LRWD1: variants seen among roughly 807,000 people sequenced by gnomAD.
LRWD1 encodes leucine rich repeats and WD repeat domain containing 1.
Under a neutral mutation model 75.6 loss-of-function variants are expected in LRWD1, and 76 were observed. The observed-to-expected ratio is 1.01, with a 90% CI of 0.84 to 1.22. The LOEUF is 1.22. LRWD1 is among the 50% of genes most tolerant of loss of function. LRWD1 has a pLI of 0.00. For synonymous variants in LRWD1, 487 were observed against 377.0 expected (o/e 1.29, Z -3.38); for missense variants, 917 against 862.0 (o/e 1.06, Z -0.80).
chr7:102,472,660 C>T (rs547050895), intron 13 of LRWD1, 32 bp from the exon 14 acceptor site: 5 of 1,612,398 alleles, frequency 3.1e-6, no homozygotes, highest in African/African-American at 1.3e-5. Flanking sequence ...GGGAGCTCTG[C>T]CCCCACTCAG....
In LRWD1 at chr7:102,468,982, T is replaced by C; in HGVS notation, c.1148T>C (p.Phe383Ser). ...CGGCTGCTGCACGTGCGTGCCGGCT[T>C]CTGCTGCGGGGTCATCCGAGCCCAC... ...LVRLLHVRAG[F>S]CCGVIRAHKK... Residue 383 changes from phenylalanine to serine, a missense_variant, in exon 9 of 15, where the codon TTC becomes TCC. Transcript: ENST00000292616. 1 of 1,612,728 alleles carries C rather than the reference T, an allele frequency of 6.2e-7. No homozygotes were observed. The highest frequency in any genetic ancestry group is 8.5e-7 in the Non-Finnish European group (1 of 1,179,824).
chr7:102,468,439 G>T, intron 7 of LRWD1, 62 bp downstream of exon 7: 1 of 1,542,568 alleles, frequency 6.5e-7, no homozygotes, highest in East Asian at 2.4e-5. Context: ...GGATGGGTGG[G>T]GGATCAGGAG....
chr7:102,468,188 G>C lies in LRWD1; in HGVS notation c.804+1G>C, dbSNP rs765172131. On this transcript the variant is annotated splice_donor_variant, in intron 6 of 14. Transcript: ENST00000292616. LOFTEE classifies it high-confidence loss of function. ...TGTGGCAGGCTCCGATGGCAGCCAG[G>C]TGAGCTGAGGTGGCAAGGAGCAGGT... 6.2e-7 allele frequency: 1 copy of C among 1,605,400 alleles called. No homozygotes were observed. The highest frequency in any genetic ancestry group is 1.7e-5 in the Admixed American group (1 of 58,114).
At position 102,469,040 on chromosome 7, in the gene LRWD1, C is replaced by T. The variant is rs1299676568; in HGVS notation, c.1206C>T (p.Pro402=). ...KKAIATLCFS[P]AHETHLFTAS... Reference sequence around the variant, plus strand: ...CCATCGCCACCCTGTGCTTCAGCCCCGCCCACGAGACCCATCTCTTCAGTA... The same window carrying T: ...CCATCGCCACCCTGTGCTTCAGCCCTGCCCACGAGACCCATCTCTTCAGTA... Residue 402 remains proline, a synonymous_variant, in exon 9 of 15, where the codon CCC becomes CCT. Transcript: ENST00000292616. 4.4e-6 allele frequency: 7 copies of T among 1,609,074 alleles called. No individual in the cohort carries two copies. The highest frequency in any genetic ancestry group is 2.2e-5 in the East Asian group (1 of 44,682).
chr7:102,467,906 T>C (rs4727526), intron 5 of LRWD1, 83 bp downstream of exon 5: 114,133 of 1,499,898 alleles, frequency 0.076, 9,125 homozygotes, highest in East Asian at 0.47. Flanking sequence ...GTCCTGGGCA[T>C]GTGCCCAGGA....
intron 3 of LRWD1, among the ~76,000 whole-genome samples, 170 bp from the exon 4 acceptor site, chr7:102,467,169 G>GTATGTGTGT (rs773521223): frequency 1.0e-4 from 2 of 19,814 alleles, no homozygotes; most frequent in Non-Finnish European, 3.3e-4. Flanking sequence ...GGGTGTGTGT[G>GTATGTGTGT]GGGTGTGTGT....
At position 102,467,718 on chromosome 7, in the gene LRWD1, G is replaced by C; in HGVS notation, c.574-1G>C. ...CTTCCTGATGGCCTGGCCCCACCCA[G>C]GTGCGGATGATCTCTGAGGAGCTGG... On this transcript the variant is annotated splice_acceptor_variant, in intron 4 of 14. Coordinates refer to ENST00000292616, the MANE Select transcript of LRWD1 (RefSeq NM_152892.3). LOFTEE classifies it high-confidence loss of function. The C allele has an allele frequency of 6.4e-7, 1 of 1,551,548 alleles. No individual in the cohort carries two copies. Among genetic ancestry groups the C allele is most frequent in the Non-Finnish European group, 8.7e-7 (1 of 1,147,000 alleles).
intron 5 of LRWD1, 119 bp from the exon 6 acceptor site, chr7:102,467,943 T>G: frequency 6.6e-7 from 1 of 1,506,394 alleles, no homozygotes. Flanking sequence ...GCTCACTCCC[T>G]AGGTGACCCC....
intron 3 of LRWD1, among the ~76,000 whole-genome samples, 179 bp from the exon 4 acceptor site, chr7:102,467,150 TTGTTGCTGGG>T (rs1798017804): frequency 5.6e-5 from 4 of 71,216 alleles, no homozygotes; most frequent in African/African-American, 1.8e-4. Flanking sequence ...GGCACCTGGG[TTGTTGCTGGG>T]GTGTGTGTGG....
intron 9 of LRWD1, 129 bp downstream of exon 9, chr7:102,469,191 C>A (rs771761544): frequency 2.5e-6 from 2 of 790,718 alleles, no homozygotes; most frequent in Non-Finnish European, 3.9e-6. Flanking sequence ...TGCACCGCTC[C>A]GACTCTAGCT....
intron 3 of LRWD1, among the ~76,000 whole-genome samples, chr7:102,467,033 C>A (rs1798005212): frequency 6.6e-6 from 1 of 150,500 alleles, no homozygotes; most frequent in South Asian, 2.1e-4. Context: ...TCCTCAGCCT[C>A]CCAGTGGCTG....
chr7:102,472,268 G>T lies in LRWD1; in HGVS notation c.1493G>T (p.Arg498Leu). The T allele has an allele frequency of 1.3e-6, 2 of 1,594,666 alleles. No individual in the cohort carries two copies. The highest frequency in any genetic ancestry group is 1.7e-6 in the Non-Finnish European group (2 of 1,169,036). Residue 498 changes from arginine (R) to leucine (L), a missense_variant, in exon 12 of 15, where the codon CGG (arginine) becomes CTG (leucine). Coordinates refer to ENST00000292616, the MANE Select transcript of LRWD1 (RefSeq NM_152892.3). Reference sequence around the variant, plus strand: ...TCTGAGGGCTCCGAGGCATCTGGACGGAGAGTGGATGGGCTGGCATTTGTG... The same window carrying T: ...TCTGAGGGCTCCGAGGCATCTGGACTGAGAGTGGATGGGCTGGCATTTGTG... ...VFSEGSEASG[R>L]RVDGLAFVNE...
chr7:102,465,488 G>GTTTTTTT lies in LRWD1; in HGVS notation c.80+328_81-328insTTTTTTT, dbSNP rs1797932813. On this transcript the variant is annotated intron_variant, in intron 1 of 14. Transcript: ENST00000292616. ...GCCCCCGAGTCCTAAAGTAGTTGCA[G>GTTTTTTT]CTTTTTTTTTTTTTTTTTTTTTTTT... The GTTTTTTT allele has an allele frequency of 2.2e-4, 24 of 108,044 alleles. 3 individuals carry two copies. Among genetic ancestry groups the GTTTTTTT allele is most frequent in the African/African-American group, 1.0e-3 (20 of 19,954 alleles). 6.7% of individuals were successfully genotyped at this position (108,044 alleles called of 1,614,324 possible).
At position 102,466,204 on chromosome 7, in the gene LRWD1, C is replaced by G. The variant is rs367752802; in HGVS notation, c.366C>G (p.Val122=). ...VSFLLPTLRK[V]NGKDASSTYS... is the part of the protein sequence containing the mutation. Reference sequence around the variant, plus strand: ...TTCTCCTGCCCACGCTCCGTAAGGTCAATGGCAAGGATGCGTCCTCAACTT... The same window carrying G: ...TTCTCCTGCCCACGCTCCGTAAGGTGAATGGCAAGGATGCGTCCTCAACTT... The change falls in exon 3 of 15, where the codon GTC becomes GTG. Residue 122 remains valine, a synonymous_variant. Transcript: ENST00000292616. 34 of 1,614,166 alleles carry G rather than the reference C, an allele frequency of 2.1e-5. No individual in the cohort carries two copies. The highest frequency in any genetic ancestry group is 2.5e-5 in the Non-Finnish European group (29 of 1,180,044).
intron 3 of LRWD1, among the ~76,000 whole-genome samples, 160 bp from the exon 4 acceptor site, chr7:102,467,174 GTGTGT>G (rs1563654274): frequency 1.2e-5 from 1 of 80,076 alleles, no homozygotes; most frequent in African/African-American, 5.2e-5. Context: ...TGTGTGGGGT[GTGTGT>G]GTGTGTGTGT....
At position 102,472,449 on chromosome 7, in the gene LRWD1, C is replaced by T. The variant is rs371045937; in HGVS notation, c.1535-5C>T. The T allele has an allele frequency of 6.5e-7, 1 of 1,536,140 alleles. No individual in the cohort carries two copies. Among genetic ancestry groups the T allele is most frequent in the Non-Finnish European group, 8.8e-7 (1 of 1,138,244 alleles). On this transcript the variant is annotated splice_region_variant and splice_polypyrimidine_tract_variant and intron_variant, in intron 12 of 14. Coordinates refer to ENST00000292616, the MANE Select transcript of LRWD1 (RefSeq NM_152892.3). Reference sequence around the variant, plus strand: ...CCCTGCACAGCTCTCCCTTCTCCCCCACAGCCTCCAAGGGGAGCGGCCTGG... The same window carrying T: ...CCCTGCACAGCTCTCCCTTCTCCCCTACAGCCTCCAAGGGGAGCGGCCTGG...
In LRWD1 at chr7:102,472,600, G is replaced by C. The variant is rs747690267; in HGVS notation, c.1681G>C (p.Ala561Pro). 6.2e-7 allele frequency: 1 copy of C among 1,609,048 alleles called. No homozygotes were observed. Among genetic ancestry groups the C allele is most frequent in the South Asian group, 1.1e-5 (1 of 90,832 alleles). Residue 561 changes from alanine (A) to proline (P), a missense_variant, in exon 13 of 15, where the codon GCC (alanine) becomes CCC (proline). Ala to Pro is a conservative substitution (Grantham distance 27). Coordinates refer to ENST00000292616, the MANE Select transcript of LRWD1 (RefSeq NM_152892.3). ...STELAYFSLSACPDKGIVLCG... is the reference protein window; with the variant it reads ...STELAYFSLSPCPDKGIVLCG... ...CGAGTTGGCCTACTTCTCGCTCAGC[G>C]CCTGCCCTGGTGAGCCTGCCCCCCT... is the stretch of plus-strand genomic sequence containing the variant.
At position 102,469,617 on chromosome 7, in the gene LRWD1, G is replaced by A. The variant is rs1798125045; in HGVS notation, c.1272G>A (p.Val424=). Residue 424 remains valine, a synonymous_variant, in exon 10 of 15, where the codon GTG becomes GTA. Coordinates refer to ENST00000292616, the MANE Select transcript of LRWD1 (RefSeq NM_152892.3). The stretch of plus-strand genomic sequence containing the variant: ...GGATCATCCTCTGGGACATCGGGGT[G>A]CCCAACCAGGACTACGAATTCCAGG... ...DKRIILWDIG[V]PNQDYEFQAS... The A allele has an allele frequency of 6.2e-7, 1 of 1,614,190 alleles. No homozygotes were observed. The highest frequency in any genetic ancestry group is 1.3e-5 in the African/African-American group (1 of 75,068).
In LRWD1 at chr7:102,473,096, C is replaced by G; in HGVS notation, c.*47C>G. 1.3e-6 allele frequency: 2 copies of G among 1,550,588 alleles called. No individual in the cohort carries two copies. The highest frequency in any genetic ancestry group is 2.3e-5 in the East Asian group (1 of 43,870). On this transcript the variant is annotated 3_prime_UTR_variant, in exon 15 of 15. Transcript: ENST00000292616. ...CAGGGACACAGCTAACTAACTTATT[C>G]AGCTTTGGGCCGATGGGGGTGGGGG...
Sources: allele counts gnomAD v4.1 joint callset (sites outside exome capture counted in the v4.1 genomes callset), GRCh38; gene constraint gnomAD v4.1.1; transcripts MANE v1.5; gene names NCBI Gene and HGNC (gene_info 2026-07-23, HGNC 2026-07-21).